The following LMO1 variants were observed in gnomAD, a reference collection of about 807,000 sequenced individuals.
LMO1 encodes LIM domain only 1, also known as rhombotin-1.
LMO1 carries 10 observed loss-of-function variants against 18.0 expected under a neutral mutation model. The observed-to-expected ratio is 0.55, with a 90% confidence interval of 0.34 to 0.94. LMO1 has a LOEUF of 0.94. Among genes scored for constraint, LMO1 ranks in the 40% least tolerant of loss-of-function variants. LMO1 has a pLI of 0.02. For missense variants in LMO1, 183 were observed against 205.7 expected, an observed-to-expected ratio of 0.89 and a Z score of 0.68; for synonymous variants, 77 against 77.9, an observed-to-expected ratio of 0.99 and a Z score of 0.06.
intron 1 of LMO1, among the ~76,000 whole-genome samples, chr11:8,253,663 G>A (rs1208897372): frequency 1.3e-5 from 2 of 152,118 alleles, no homozygotes; most frequent in East Asian, 3.9e-4. Flanking sequence ...CACGCAGGAT[G>A]GAGCAGGACT....
chr11:8,250,553 C>G (rs1846973030), intron 1 of LMO1, among the ~76,000 whole-genome samples: 1 of 152,248 alleles, frequency 6.6e-6, no homozygotes, highest in African/African-American at 2.4e-5. Context: ...AGCTTGGAAC[C>G]AGGTGCCTGA....
intron 1 of LMO1, among the ~76,000 whole-genome samples, chr11:8,256,624 C>T (rs1349693012): frequency 2.0e-5 from 3 of 152,232 alleles, no homozygotes; most frequent in African/African-American, 4.8e-5. Context: ...GGACAGAACA[C>T]AAAACGAACA....
intron 2 of LMO1, 65 bp downstream of exon 2, chr11:8,230,226 G>A (rs1381687220): frequency 1.7e-5 from 25 of 1,458,908 alleles, no homozygotes; most frequent in Non-Finnish European, 1.8e-5. Flanking sequence ...AGTCACGCTG[G>A]GGCTGAGGAT....
At chr11:8,263,129 C>G (rs1174194395) in intron 1 of LMO1, among the ~76,000 whole-genome samples, 6 of 151,514 alleles carry the variant, frequency 4.0e-5, no homozygotes, top group Middle Eastern at 3.4e-3. Context: ...CGCGTGCAGC[C>G]CGGGGCTCGA....
At chr11:8,260,929 T>G (rs979419034) in intron 1 of LMO1, among the ~76,000 whole-genome samples, 1 of 152,138 alleles carries the variant, frequency 6.6e-6, no homozygotes, top group South Asian at 2.1e-4. Flanking sequence ...AGCCACCTGC[T>G]GAGAGGGCAG....
At chr11:8,253,701 A>G (rs1297414528) in intron 1 of LMO1, among the ~76,000 whole-genome samples, 1 of 152,102 alleles carries the variant, frequency 6.6e-6, no homozygotes, top group Non-Finnish European at 1.5e-5. Context: ...CACTGCTCCC[A>G]CTTGTCTGGC....
chr11:8,226,314 G>A (rs1158670324), intron 3 of LMO1, among the ~76,000 whole-genome samples: 1 of 151,352 alleles, frequency 6.6e-6, no homozygotes, highest in Non-Finnish European at 1.5e-5. Flanking sequence ...GGCCAACATG[G>A]TGAAACCCCG....
chr11:8,247,072 C>T (rs1565183718), intron 1 of LMO1, among the ~76,000 whole-genome samples: 1 of 152,226 alleles, frequency 6.6e-6, no homozygotes, highest in Non-Finnish European at 1.5e-5. Flanking sequence ...ACTGCATTCT[C>T]ATTTTGTCTT....
intron 1 of LMO1, among the ~76,000 whole-genome samples, chr11:8,242,867 C>T (rs1590543746): frequency 6.6e-6 from 1 of 152,344 alleles, no homozygotes; most frequent in African/African-American, 2.4e-5. Context: ...TGCAGACACA[C>T]CATGAGCACC....
upstream of LMO1, among the ~76,000 whole-genome samples, chr11:8,265,008 AATG>A (rs1320715522): frequency 6.6e-6 from 1 of 152,192 alleles, no homozygotes; most frequent in African/African-American, 2.4e-5. Flanking sequence ...GGATAGAAAT[AATG>A]ATTTTTCTTC....
At chr11:8,265,477 C>T (rs928418352), upstream of LMO1, among the ~76,000 whole-genome samples, 9 of 152,270 alleles carry the variant, frequency 5.9e-5, no homozygotes, top group Admixed American at 3.3e-4. Context: ...AACAGAAAAG[C>T]GCTGCTTCTA....
At chr11:8,255,937 T>C (rs1349935604) in intron 1 of LMO1, among the ~76,000 whole-genome samples, 1 of 148,330 alleles carries the variant, frequency 6.7e-6, no homozygotes, top group East Asian at 2.1e-4. Context: ...GCCATTCTCC[T>C]GCCTCAGCCT....
At chr11:8,229,340 T>C (rs1357007621) in intron 2 of LMO1, among the ~76,000 whole-genome samples, 1 of 152,162 alleles carries the variant, frequency 6.6e-6, no homozygotes, top group Non-Finnish European at 1.5e-5. Flanking sequence ...CTTTGGGGAA[T>C]TGAGGGAGCT....
upstream of LMO1, among the ~76,000 whole-genome samples, chr11:8,264,555 G>A (rs1256685002): frequency 2.0e-5 from 3 of 152,082 alleles, no homozygotes; most frequent in Non-Finnish European, 4.4e-5. Context: ...AGAATCCTGG[G>A]GCTGATGTTC....
chr11:8,265,494 T>C (rs1847252021), upstream of LMO1, among the ~76,000 whole-genome samples: 1 of 152,206 alleles, frequency 6.6e-6, no homozygotes, highest in Non-Finnish European at 1.5e-5. Context: ...TCTAATGAGA[T>C]GCCTCATCTG....
intron 1 of LMO1, among the ~76,000 whole-genome samples, chr11:8,251,749 G>A (rs949429402): frequency 2.0e-5 from 3 of 151,066 alleles, no homozygotes; most frequent in East Asian, 3.9e-4. Context: ...GGGTATAGGG[G>A]TGTGGTATGT....
chr11:8,227,248 G>T, intron 2 of LMO1, 148 bp from the exon 3 acceptor site: 1 of 1,334,758 alleles, frequency 7.5e-7, no homozygotes, highest in Non-Finnish European at 1.0e-6. Flanking sequence ...AGAGCACTGA[G>T]GGCAGCATCT....
chr11:8,268,318 T>G (rs987865257), upstream of LMO1: 4 of 945,284 alleles, frequency 4.2e-6, no homozygotes, highest in Admixed American at 1.1e-4. Flanking sequence ...CCGCGGGTGC[T>G]GAGGGCTCTG....
At chr11:8,233,155 C>G (rs770543569) in intron 1 of LMO1, among the ~76,000 whole-genome samples, 1 of 152,196 alleles carries the variant, frequency 6.6e-6, no homozygotes, top group Non-Finnish European at 1.5e-5. Flanking sequence ...CTGGAGAACT[C>G]TTATAGAAGC....
Sources: allele counts gnomAD v4.1 joint callset (sites outside exome capture counted in the v4.1 genomes callset), GRCh38; gene constraint gnomAD v4.1.1; transcripts MANE v1.5; gene names NCBI Gene and HGNC (gene_info 2026-07-23, HGNC 2026-07-21).